Variants in MAP3K13 observed in about 807,000 individuals in gnomAD.
MAP3K13 encodes the protein leucine zipper-bearing kinase.
Under a neutral mutation model 104.0 loss-of-function variants are expected in MAP3K13, and 52 were observed. The observed-to-expected ratio is 0.50, with a 90% CI of 0.40 to 0.63. The LOEUF is 0.63. MAP3K13 is among the 20% of genes least tolerant of loss of function. The pLI is 0.00. For synonymous variants in MAP3K13, 394 were observed against 442.2 expected (o/e 0.89, Z 1.37); for missense variants, 914 against 1,218.5 (o/e 0.75, Z 3.72).
chr3:185,451,691 A>G (rs1043759990), intron 7 of MAP3K13, among the ~76,000 whole-genome samples: 1 of 151,906 alleles, frequency 6.6e-6, no homozygotes, highest in Admixed American at 6.6e-5. Context: ...ACATGGAGAA[A>G]CCCCCGCTTC....
chr3:185,340,845 C>T (rs570684257), intron 2 of MAP3K13, among the ~76,000 whole-genome samples: 60 of 152,192 alleles, frequency 3.9e-4, no homozygotes, highest in Middle Eastern at 6.8e-3. Flanking sequence ...TTTTGCCTTC[C>T]ACCATGATTG....
chr3:185,356,815 T>C (rs1321976113), intron 2 of MAP3K13, among the ~76,000 whole-genome samples: 1 of 152,072 alleles, frequency 6.6e-6, no homozygotes, highest in East Asian at 1.9e-4. Flanking sequence ...GGACTAAAAG[T>C]GGGGGAGAGA....
At chr3:185,374,587 C>T (rs984812722) in intron 1 of MAP3K13, among the ~76,000 whole-genome samples, 15 of 151,794 alleles carry the variant, frequency 9.9e-5, no homozygotes, top group African/African-American at 3.6e-4. Context: ...TCGGGAGGAC[C>T]CAGGACATCC....
At chr3:185,428,475 A>T in intron 1 of MAP3K13, 22 bp from the exon 2 acceptor site, 1 of 1,431,810 alleles carries the variant, frequency 7.0e-7, no homozygotes, top group Non-Finnish European at 9.3e-7. Flanking sequence ...ATGATCTCTT[A>T]TCTCCCTCCT....
intron 1 of MAP3K13, among the ~76,000 whole-genome samples, chr3:185,383,248 A>C (rs1371311453): frequency 1.7e-4 from 25 of 151,348 alleles, no homozygotes; most frequent in African/African-American, 6.1e-4. Flanking sequence ...ACATTTTCTT[A>C]ATCCAGTCTA....
At chr3:185,382,967 C>A (rs966007922) in intron 1 of MAP3K13, among the ~76,000 whole-genome samples, 1 of 151,378 alleles carries the variant, frequency 6.6e-6, no homozygotes, top group African/African-American at 2.4e-5. Flanking sequence ...CCCACTAACT[C>A]GTCATCTAGC....
intron 1 of MAP3K13, among the ~76,000 whole-genome samples, chr3:185,374,552 A>C (rs1188196109): frequency 2.0e-5 from 3 of 152,204 alleles, no homozygotes; most frequent in Non-Finnish European, 2.9e-5. Flanking sequence ...GAGAAGGAGA[A>C]AAACAGGTAT....
intron 2 of MAP3K13, among the ~76,000 whole-genome samples, chr3:185,312,893 C>T (rs967387002): frequency 3.9e-5 from 6 of 151,936 alleles, no homozygotes; most frequent in Non-Finnish European, 5.9e-5. Flanking sequence ...ACAGTACATA[C>T]GGACATACTT....
chr3:185,392,733 G>A (rs1372472183), intron 1 of MAP3K13, among the ~76,000 whole-genome samples: 3 of 152,172 alleles, frequency 2.0e-5, no homozygotes, highest in Middle Eastern at 6.8e-3. Flanking sequence ...TACAGACAAC[G>A]GTACAATTAG....
At position 185,337,010 on chromosome 3, in the gene MAP3K13, CAAT is replaced by C. The variant is rs570873947; in HGVS notation, c.-86+51370_-86+51372del. On this transcript the variant is annotated intron_variant, in intron 2 of 14. Coordinates refer to the MAP3K13 transcript ENST00000424227. ...AACAACAAACGTGATTATAATGAAACAATAAAATATACTACTTTGAGCATGACT... is the reference window on the plus strand; with the variant it reads ...AACAACAAACGTGATTATAATGAAACAAAATATACTACTTTGAGCATGACT... 2.6e-5 allele frequency among the ~76,000 whole-genome samples: 4 copies of C among 152,104 alleles called. No individual in the cohort carries two copies. The South Asian group carries it at 8.3e-4, about 32-fold the overall frequency.
chr3:185,363,028 C>T, upstream of MAP3K13: 4 of 977,434 alleles, frequency 4.1e-6, no homozygotes, highest in South Asian at 4.7e-5. Context: ...GCCTGATTGG[C>T]GGGCTCTGTT....
chr3:185,289,411 A>T (rs947935143), intron 2 of MAP3K13, among the ~76,000 whole-genome samples: 5 of 152,144 alleles, frequency 3.3e-5, no homozygotes, highest in Non-Finnish European at 7.4e-5. Context: ...TTAAATACTG[A>T]TAGCTAACAT....
intron 1 of MAP3K13, among the ~76,000 whole-genome samples, chr3:185,284,746 A>G (rs1720447274): frequency 6.7e-6 from 1 of 150,296 alleles, no homozygotes; most frequent in Non-Finnish European, 1.5e-5. Flanking sequence ...ATATAAATAA[A>G]TAAATAAAAT....
intron 2 of MAP3K13, among the ~76,000 whole-genome samples, chr3:185,299,473 G>A (rs966267716): frequency 2.0e-5 from 3 of 152,096 alleles, no homozygotes; most frequent in African/African-American, 2.4e-5. Context: ...GCAATGTGCT[G>A]TGTAACAACA....
In MAP3K13 at chr3:185,485,993, G is replaced by A. The variant is rs970528890; in HGVS notation, c.*3537G>A. 2 of 152,310 alleles carry A rather than the reference G, an allele frequency of 1.3e-5. No individual in the cohort carries two copies. Among genetic ancestry groups the A allele is most frequent in the Middle Eastern group, 3.4e-3 (1 of 294 alleles). The allele number at this position is 152,310 out of a possible 1,614,324, so 9.4% of individuals were successfully genotyped here. ...TCTTGACTTCAGATCTCACTGTACTGTAAATCTCTCTGGTTCATTATTCCT... is the reference window on the plus strand; with the variant it reads ...TCTTGACTTCAGATCTCACTGTACTATAAATCTCTCTGGTTCATTATTCCT... On this transcript the variant is annotated 3_prime_UTR_variant, in exon 14 of 14. Transcript: ENST00000265026.
At chr3:185,451,843 G>A (rs1161271375) in intron 7 of MAP3K13, among the ~76,000 whole-genome samples, 2 of 148,552 alleles carry the variant, frequency 1.3e-5, no homozygotes, top group Non-Finnish European at 3.0e-5. Context: ...CTCCAGCCTG[G>A]GCAACAAGAG....
intron 8 of MAP3K13, among the ~76,000 whole-genome samples, chr3:185,464,089 G>C (rs1717269507): frequency 6.6e-6 from 1 of 152,118 alleles, no homozygotes; most frequent in Admixed American, 6.6e-5. Context: ...TTTGAGACCA[G>C]CCCGCCCAGC....
At chr3:185,409,030 AG>A (rs1285891324) in intron 1 of MAP3K13, among the ~76,000 whole-genome samples, 1 of 152,234 alleles carries the variant, frequency 6.6e-6, no homozygotes, top group Non-Finnish European at 1.5e-5. Flanking sequence ...AGATCAAACA[AG>A]GGCAACTGAG....
At chr3:185,383,942 G>C (rs1711533977) in intron 1 of MAP3K13, among the ~76,000 whole-genome samples, 1 of 152,134 alleles carries the variant, frequency 6.6e-6, no homozygotes, top group Non-Finnish European at 1.5e-5. Context: ...CCAGTTTCTT[G>C]TGTTAGGAAC....
Sources: gnomAD v4.1 joint callset for allele counts (sites outside exome capture counted in the v4.1 genomes callset) on GRCh38, gnomAD v4.1.1 for gene constraint, MANE v1.5 for transcripts, NCBI Gene and HGNC (gene_info 2026-07-23, HGNC 2026-07-21) for gene names.